The following LYRM4 variants were observed in gnomAD, a reference collection of about 807,000 sequenced individuals.
LYRM4 encodes LYR motif-containing protein 4.
In LYRM4, 9 loss-of-function variants were observed where a neutral mutation model predicts 11.7. That is an observed-to-expected ratio of 0.77 (90% CI 0.46 to 1.34). The LOEUF is 1.34. Among genes scored for constraint, LYRM4 ranks in the 40% most tolerant of loss-of-function variants. The pLI is 0.00. For missense variants in LYRM4, 133 were observed against 112.5 expected (o/e 1.18, Z -0.82); for synonymous variants, 42 against 40.4 (o/e 1.04, Z -0.15).
chr6:5,235,229 G>A lies in LYRM4; in HGVS notation c.87-18491C>T, dbSNP rs1043987261. Among the ~76,000 whole-genome samples, 48 of 151,976 alleles carry A rather than the reference G, an allele frequency of 3.2e-4. 1 individual carries two copies. The highest frequency in any genetic ancestry group is 8.9e-4 in the African/African-American group (37 of 41,352). ...ATGATTTTGGCTCATGGCAACCTCC[G>A]GCTCCTGGGTTCACGCAATTCTCCT... On this transcript the variant is annotated intron_variant, in intron 1 of 2. Coordinates refer to ENST00000330636, the MANE Select transcript of LYRM4 (RefSeq NM_020408.6).
chr6:5,123,624 C>T (rs1023171518), intron 2 of LYRM4, among the ~76,000 whole-genome samples: 1 of 152,234 alleles, frequency 6.6e-6, no homozygotes, highest in African/African-American at 2.4e-5. Flanking sequence ...AACTGCCCTC[C>T]TCCCTTTTCC....
chr6:5,241,271 T>C (rs1763863161), intron 1 of LYRM4, among the ~76,000 whole-genome samples: 1 of 152,196 alleles, frequency 6.6e-6, no homozygotes, highest in Admixed American at 6.5e-5. Flanking sequence ...AATAAAACAA[T>C]GCATATTAAA....
At chr6:5,169,646 C>T (rs943665631) in intron 2 of LYRM4, among the ~76,000 whole-genome samples, 3 of 152,158 alleles carry the variant, frequency 2.0e-5, no homozygotes, top group Non-Finnish European at 4.4e-5. Context: ...CACATTTCCC[C>T]CTTTATTTAA....
chr6:5,260,914 T>C lies in LYRM4; in HGVS notation c.-181A>G. On this transcript the variant is annotated 5_prime_UTR_variant, in exon 1 of 3. Transcript: ENST00000330636. ...TGCGGATCGCGGACGGCGCCAGGCG[T>C]CCCGCGCCGCTTCGGGGGCGGGCGC... The C allele has an allele frequency of 7.3e-7, 1 of 1,368,624 alleles. No individual in the cohort carries two copies. Among genetic ancestry groups the C allele is most frequent in the Non-Finnish European group, 9.4e-7 (1 of 1,066,470 alleles). The allele number at this position is 1,368,624 out of a possible 1,614,324, so 84.8% of individuals were successfully genotyped here.
intron 1 of LYRM4, among the ~76,000 whole-genome samples, chr6:5,237,796 A>G (rs1441362332): frequency 1.3e-5 from 2 of 152,246 alleles, no homozygotes; most frequent in African/African-American, 4.8e-5. Context: ...TTGTGCTACC[A>G]GCCAACGTGA....
chr6:5,139,309 A>C (rs1355178590), intron 2 of LYRM4, among the ~76,000 whole-genome samples: 2 of 152,232 alleles, frequency 1.3e-5, no homozygotes, highest in African/African-American at 2.4e-5. Context: ...TGAGCATATC[A>C]TATCCAGAAC....
chr6:5,189,663 T>C lies in LYRM4; in HGVS notation c.207+26955A>G, dbSNP rs141148238. Among the ~76,000 whole-genome samples, 454 of 152,318 alleles carry C rather than the reference T, an allele frequency of 3.0e-3. 2 individuals are homozygous for C. Among genetic ancestry groups the C allele is most frequent in the African/African-American group, 0.011 (440 of 41,572 alleles). On this transcript the variant is annotated intron_variant, in intron 2 of 2. Transcript: ENST00000330636. ...GCTACTAATAACTCCATTTTGTCGA[T>C]GAGCATGACTTTAAGAGCTTTTAAA...
At chr6:5,093,098 T>C in the LYRM4 span, among the ~76,000 whole-genome samples, 1 of 152,198 alleles carries the variant, frequency 6.6e-6, no homozygotes, top group South Asian at 2.1e-4. Flanking sequence ...GGTCTGTGAG[T>C]CCCCCACCCG....
intron 2 of LYRM4, chr6:5,138,697 A>G (rs1234363397): frequency 1.3e-6 from 2 of 1,529,622 alleles, no homozygotes; most frequent in Non-Finnish European, 1.7e-6. Context: ...AAGATGCAAT[A>G]GAAAACAAAC....
intron 2 of LYRM4, among the ~76,000 whole-genome samples, chr6:5,204,346 C>T (rs1485995131): frequency 6.6e-6 from 1 of 152,154 alleles, no homozygotes; most frequent in Non-Finnish European, 1.5e-5. Context: ...GGGATATGCC[C>T]ACTTCCTCAA....
chr6:5,039,901 A>T, the LYRM4 span, among the ~76,000 whole-genome samples: 1 of 152,228 alleles, frequency 6.6e-6, no homozygotes, highest in Non-Finnish European at 1.5e-5. Flanking sequence ...AAACAAGAAT[A>T]GAAAATAGAC....
intron 2 of LYRM4, among the ~76,000 whole-genome samples, chr6:5,115,398 T>C (rs1763073153): frequency 6.6e-6 from 1 of 152,206 alleles, no homozygotes; most frequent in Non-Finnish European, 1.5e-5. Flanking sequence ...TGTAGCTCCC[T>C]GTGTGAGCTC....
rs550731800 is a variant in LYRM4 at position 5,163,563 on chromosome 6, T to C, written c.207+53055A>G. ...GCCATTTGCATTTTCATGTGAATTTTTGAATGAGCGTCTCAGTTTCTGCAA... is the reference window on the plus strand; with the variant it reads ...GCCATTTGCATTTTCATGTGAATTTCTGAATGAGCGTCTCAGTTTCTGCAA... On this transcript the variant is annotated intron_variant, in intron 2 of 2. Coordinates refer to ENST00000330636, the MANE Select transcript of LYRM4 (RefSeq NM_020408.6). Among the ~76,000 whole-genome samples the C allele has an allele frequency of 4.2e-4, 64 of 152,146 alleles. 1 individual carries two copies. Among genetic ancestry groups the C allele is most frequent in the African/African-American group, 1.5e-3 (61 of 41,492 alleles).
chr6:5,257,633 G>T (rs1475010118), intron 1 of LYRM4, among the ~76,000 whole-genome samples: 3 of 152,202 alleles, frequency 2.0e-5, no homozygotes, highest in Non-Finnish European at 4.4e-5. Flanking sequence ...TCTCCTGTCA[G>T]ATCAGCGGCG....
rs185368484 is a variant in LYRM4 at position 5,252,192 on chromosome 6, T to C, written c.86+8456A>G. On this transcript the variant is annotated intron_variant, in intron 1 of 2. Transcript: ENST00000330636. ...AAATAAACTTCTCCAGGTTGATGTT[T>C]CTACAGATTTTGCAGGCTTATTCAC... 3.1e-3 allele frequency among the ~76,000 whole-genome samples: 471 copies of C among 152,306 alleles called. 2 individuals are homozygous for C. Among genetic ancestry groups the C allele is most frequent in the Non-Finnish European group, 4.8e-3 (326 of 68,022 alleles).
intron 2 of LYRM4, chr6:5,136,168 G>A: frequency 2.1e-6 from 1 of 482,000 alleles, no homozygotes; most frequent in South Asian, 8.9e-5. Context: ...ACACTGGGTT[G>A]CTGTTGTGAA....
At chr6:5,178,833 A>AAAAAAG (rs1759884401) in intron 2 of LYRM4, among the ~76,000 whole-genome samples, 1 of 148,252 alleles carries the variant, frequency 6.7e-6, no homozygotes, top group African/African-American at 2.5e-5. Flanking sequence ...AAAAAAAAAA[A>AAAAAAG]GAGTTTCCTC....
chr6:5,043,975 C>T, the LYRM4 span, among the ~76,000 whole-genome samples: 3 of 152,198 alleles, frequency 2.0e-5, no homozygotes, highest in Non-Finnish European at 4.4e-5. Flanking sequence ...CCCCCTCTCG[C>T]TCTGCCTCCT....
intron 1 of LYRM4, among the ~76,000 whole-genome samples, chr6:5,254,683 A>G (rs933296347): frequency 6.6e-6 from 1 of 152,186 alleles, no homozygotes; most frequent in African/African-American, 2.4e-5. Context: ...ACTGGCTGTC[A>G]GGCTTGGCAC....
Sources: allele counts gnomAD v4.1 joint callset (sites outside exome capture counted in the v4.1 genomes callset), GRCh38; gene constraint gnomAD v4.1.1; transcripts MANE v1.5; gene names NCBI Gene and HGNC (gene_info 2026-07-23, HGNC 2026-07-21).